The following NFIB variants were observed in gnomAD, a reference collection of about 807,000 sequenced individuals.
NFIB encodes the protein nuclear factor I B.
NFIB carries 11 observed loss-of-function variants against 61.5 expected under a neutral mutation model. That is an observed-to-expected ratio of 0.18 (90% CI 0.11 to 0.30). The LOEUF (loss-of-function observed/expected upper bound fraction) is 0.30, where lower values mean the gene tolerates loss of function less well. Ranked by LOEUF, NFIB falls within the 10% of genes least tolerant of loss-of-function variation. NFIB has a pLI of 1.00. For missense variants in NFIB, 471 were observed against 608.9 expected, an observed-to-expected ratio of 0.77 and a Z score of 2.38; for synonymous variants, 260 against 216.5, an observed-to-expected ratio of 1.20 and a Z score of -1.76.
chr9:14,219,592 G>A (rs1165572930), intron 2 of NFIB, among the ~76,000 whole-genome samples: 1 of 152,054 alleles, frequency 6.6e-6, no homozygotes, highest in Non-Finnish European at 1.5e-5. Context: ...TGTTATTCCT[G>A]CTTTACACGT....
intron 3 of NFIB, among the ~76,000 whole-genome samples, chr9:14,166,023 T>G (rs1563854559): frequency 6.6e-6 from 1 of 152,198 alleles, no homozygotes; most frequent in Admixed American, 6.5e-5. Flanking sequence ...TCACTAAAAT[T>G]TAAAAATGCA....
At chr9:14,490,020 G>C in the NFIB span, among the ~76,000 whole-genome samples, 1 of 152,078 alleles carries the variant, frequency 6.6e-6, no homozygotes, top group South Asian at 2.1e-4. Flanking sequence ...GGGCGTATTT[G>C]AGATTGCACC....
At chr9:14,522,264 A>G in the NFIB span, among the ~76,000 whole-genome samples, 1 of 152,198 alleles carries the variant, frequency 6.6e-6, no homozygotes, top group African/African-American at 2.4e-5. Flanking sequence ...ACTAAAAACT[A>G]ACATGTGTCA....
intron 2 of NFIB, among the ~76,000 whole-genome samples, chr9:14,250,423 A>G (rs1227252637): frequency 6.6e-6 from 1 of 152,224 alleles, no homozygotes; most frequent in Non-Finnish European, 1.5e-5. Context: ...TTAAAGCCTT[A>G]GCTCAAAAGG....
intron 3 of NFIB, among the ~76,000 whole-genome samples, chr9:14,175,825 A>G (rs768367766): frequency 6.6e-6 from 1 of 152,220 alleles, no homozygotes; most frequent in Non-Finnish European, 1.5e-5. Context: ...AGCATTTAAC[A>G]TGTCTTCGTC....
intron 1 of NFIB, among the ~76,000 whole-genome samples, chr9:14,385,250 AAGATCAGGCCGCAT>A (rs1341400377): frequency 6.6e-6 from 1 of 152,192 alleles, no homozygotes; most frequent in East Asian, 1.9e-4. Flanking sequence ...GAACTTAACC[AAGATCAGGCCGCAT>A]AGTAACTGGC....
the NFIB span, among the ~76,000 whole-genome samples, chr9:14,434,051 C>T: frequency 3.3e-5 from 5 of 152,158 alleles, no homozygotes; most frequent in South Asian, 2.1e-4. Flanking sequence ...TCTCTAAGAG[C>T]TATTGCAATA....
At chr9:14,350,773 T>C (rs1478783950) in intron 1 of NFIB, among the ~76,000 whole-genome samples, 1 of 152,190 alleles carries the variant, frequency 6.6e-6, no homozygotes, top group East Asian at 1.9e-4. Flanking sequence ...GGTGCGGGTG[T>C]AACCAATTTC....
intron 2 of NFIB, among the ~76,000 whole-genome samples, chr9:14,271,627 T>A (rs768622141): frequency 6.6e-6 from 1 of 152,122 alleles, no homozygotes; most frequent in Admixed American, 6.6e-5. Flanking sequence ...ATGGATCCTA[T>A]CTTTCCAAGT....
At chr9:14,119,490 A>G (rs935008699) in intron 8 of NFIB, among the ~76,000 whole-genome samples, 139 of 141,452 alleles carry the variant, frequency 9.8e-4, no homozygotes, top group African/African-American at 3.7e-3. Flanking sequence ...AATTAAGACC[A>G]AAGGGATTTT....
intron 2 of NFIB, among the ~76,000 whole-genome samples, chr9:14,230,831 T>C (rs889266661): frequency 6.6e-6 from 1 of 151,996 alleles, no homozygotes; most frequent in Non-Finnish European, 1.5e-5. Flanking sequence ...CCTTTCACAA[T>C]GTGCAAAGAA....
intron 2 of NFIB, chr9:14,204,400 C>T (rs1003563220): frequency 1.6e-5 from 18 of 1,122,396 alleles, no homozygotes; most frequent in South Asian, 7.4e-5. Context: ...AAAGAGACCT[C>T]GCCCGCTTTG....
At chr9:14,494,710 T>C in the NFIB span, among the ~76,000 whole-genome samples, 8 of 152,204 alleles carry the variant, frequency 5.3e-5, no homozygotes, top group Non-Finnish European at 1.0e-4. Context: ...CATCAGCAAA[T>C]GTACCTGGGC....
chr9:14,293,386 C>T (rs1246141140), intron 2 of NFIB, among the ~76,000 whole-genome samples: 1 of 152,194 alleles, frequency 6.6e-6, no homozygotes, highest in Non-Finnish European at 1.5e-5. Context: ...TGAACCAACA[C>T]TTCATCCTTC....
intron 2 of NFIB, among the ~76,000 whole-genome samples, chr9:14,278,960 T>C (rs1246395633): frequency 1.3e-5 from 2 of 152,106 alleles, no homozygotes; most frequent in African/African-American, 2.4e-5. Context: ...ACAAAAACAT[T>C]ATCAGTACTA....
the NFIB span, among the ~76,000 whole-genome samples, chr9:14,494,599 T>C: frequency 6.6e-6 from 1 of 152,206 alleles, no homozygotes; most frequent in Non-Finnish European, 1.5e-5. Flanking sequence ...TGTATTTCCA[T>C]GGTTCTTACT....
At chr9:14,265,045 A>C (rs1240279311) in intron 2 of NFIB, among the ~76,000 whole-genome samples, 2 of 152,196 alleles carry the variant, frequency 1.3e-5, no homozygotes, top group Admixed American at 1.3e-4. Context: ...GCTCTGCAAG[A>C]TCAGTCATGA....
At chr9:14,103,443 T>TA (rs1372174279) in intron 10 of NFIB, among the ~76,000 whole-genome samples, 3 of 152,108 alleles carry the variant, frequency 2.0e-5, no homozygotes, top group Non-Finnish European at 4.4e-5. Context: ...TTCTTCACAG[T>TA]AATCCACTAA....
At chr9:14,299,078 G>T (rs888236487) in intron 2 of NFIB, among the ~76,000 whole-genome samples, 1 of 151,992 alleles carries the variant, frequency 6.6e-6, no homozygotes, top group Non-Finnish European at 1.5e-5. Context: ...CTAATAGAGG[G>T]GTATAGACTT....
Sources: gnomAD v4.1 joint callset for allele counts (sites outside exome capture counted in the v4.1 genomes callset) on GRCh38, gnomAD v4.1.1 for gene constraint, MANE v1.5 for transcripts, NCBI Gene and HGNC (gene_info 2026-07-23, HGNC 2026-07-21) for gene names.